The following PPP1R9A variants were observed in gnomAD, a reference collection of about 807,000 sequenced individuals.
PPP1R9A encodes the protein protein phosphatase 1 regulatory subunit 9A.
In PPP1R9A, 59 loss-of-function variants were observed where a neutral mutation model predicts 141.9. That is an observed-to-expected ratio of 0.42 (90% CI 0.34 to 0.52). PPP1R9A has a LOEUF of 0.52. Ranked by LOEUF, PPP1R9A falls within the 20% of genes least tolerant of loss-of-function variation. The pLI is 0.10. For missense variants in PPP1R9A, 1,444 were observed against 1,611.9 expected (o/e 0.90, Z 1.78); for synonymous variants, 500 against 569.7 (o/e 0.88, Z 1.74).
rs186163276 is a variant in PPP1R9A, at chr7:95,128,310, C to G, written c.1649+7478C>G. 2.1e-3 allele frequency among the ~76,000 whole-genome samples: 325 copies of G among 152,218 alleles called. 2 individuals are homozygous for G. Among genetic ancestry groups the G allele is most frequent in the Non-Finnish European group, 2.7e-3 (185 of 68,004 alleles). ...TATGTTTGTTGGCTGCTTGTATGCC[C>G]TCTATTGAGAAGTGCTGTTTATGTC... On this transcript the variant is annotated intron_variant, in intron 4 of 19. Transcript: ENST00000433360.
At chr7:95,033,304 G>A (rs758530844) in intron 2 of PPP1R9A, among the ~76,000 whole-genome samples, 36 of 150,832 alleles carry the variant, frequency 2.4e-4, no homozygotes, top group African/African-American at 6.8e-4. Context: ...ATGAGCCACC[G>A]CTCCTGGCCT....
chr7:95,174,607 G>C (rs1428676839), intron 5 of PPP1R9A, among the ~76,000 whole-genome samples: 1 of 152,134 alleles, frequency 6.6e-6, no homozygotes. Flanking sequence ...TGTTGATAGT[G>C]ATAGTGATGT....
chr7:95,151,096 C>T (rs1306981492), intron 4 of PPP1R9A, among the ~76,000 whole-genome samples: 1 of 152,220 alleles, frequency 6.6e-6, no homozygotes, highest in Non-Finnish European at 1.5e-5. Flanking sequence ...GGGGGACAGA[C>T]TGACAGTTCT....
At chr7:94,994,536 G>A (rs1801918547) in intron 2 of PPP1R9A, among the ~76,000 whole-genome samples, 1 of 152,102 alleles carries the variant, frequency 6.6e-6, no homozygotes, top group Admixed American at 6.6e-5. Flanking sequence ...TAAATAGAGA[G>A]TTTTTATTAG....
chr7:95,249,126 A>G lies in PPP1R9A; in HGVS notation c.2167-900A>G, dbSNP rs114904004. 9.2e-3 allele frequency among the ~76,000 whole-genome samples: 1,399 copies of G among 152,270 alleles called. 20 individuals are homozygous for G. The highest frequency in any genetic ancestry group is 0.032 in the African/African-American group (1,348 of 41,554). On this transcript the variant is annotated intron_variant, in intron 9 of 19. Coordinates refer to ENST00000433360, the MANE Select transcript of PPP1R9A (RefSeq NM_001166160.2). ...AGGGTATTAGACTAGTTTACTATCTATTCCTAAGAGTCCCTAGAAGCAGAA... is the reference window on the plus strand; with the variant it reads ...AGGGTATTAGACTAGTTTACTATCTGTTCCTAAGAGTCCCTAGAAGCAGAA...
intron 8 of PPP1R9A, among the ~76,000 whole-genome samples, chr7:95,246,165 C>T (rs990271463): frequency 6.6e-6 from 1 of 152,104 alleles, no homozygotes; most frequent in Non-Finnish European, 1.5e-5. Flanking sequence ...CTTTATCATC[C>T]TTCCCATGTG....
At chr7:95,081,369 A>G (rs191013892) in intron 2 of PPP1R9A, among the ~76,000 whole-genome samples, 1 of 152,322 alleles carries the variant, frequency 6.6e-6, no homozygotes, top group East Asian at 1.9e-4. Context: ...TAGTTATTTT[A>G]ACTGTGTTCC....
intron 2 of PPP1R9A, among the ~76,000 whole-genome samples, chr7:95,086,675 G>A (rs1455140608): frequency 6.6e-6 from 1 of 151,872 alleles, no homozygotes; most frequent in African/African-American, 2.4e-5. Flanking sequence ...GCACTCTTTT[G>A]TTTACTTTTA....
intron 2 of PPP1R9A, among the ~76,000 whole-genome samples, chr7:95,012,089 A>G (rs1263764222): frequency 2.0e-5 from 3 of 152,190 alleles, no homozygotes; most frequent in Non-Finnish European, 4.4e-5. Context: ...ATAGTTTCCA[A>G]GAGGCCCCTG....
intron 5 of PPP1R9A, among the ~76,000 whole-genome samples, chr7:95,196,127 T>A (rs1230679486): frequency 6.6e-6 from 1 of 151,864 alleles, no homozygotes; most frequent in Non-Finnish European, 1.5e-5. Flanking sequence ...CAATTATAAC[T>A]CAATAATAGA....
intron 12 of PPP1R9A, among the ~76,000 whole-genome samples, chr7:95,253,934 C>T (rs1276236605): frequency 6.6e-6 from 1 of 151,946 alleles, no homozygotes; most frequent in Non-Finnish European, 1.5e-5. Flanking sequence ...CTATTCATTT[C>T]TTTCAGTTTA....
At chr7:94,927,092 T>C (rs1172181082) in intron 2 of PPP1R9A, among the ~76,000 whole-genome samples, 1 of 152,176 alleles carries the variant, frequency 6.6e-6, no homozygotes, top group Non-Finnish European at 1.5e-5. Context: ...AAATAGCTTT[T>C]GATAGCATCC....
intron 8 of PPP1R9A, among the ~76,000 whole-genome samples, chr7:95,226,778 G>A (rs1795200951): frequency 6.6e-6 from 1 of 152,146 alleles, no homozygotes; most frequent in Non-Finnish European, 1.5e-5. Flanking sequence ...CTCAGAGTTT[G>A]AAGAGATCAG....
chr7:95,187,565 CT>C (rs1834831568), intron 5 of PPP1R9A, among the ~76,000 whole-genome samples: 1 of 150,610 alleles, frequency 6.6e-6, no homozygotes, highest in African/African-American at 2.4e-5. Context: ...GGATTTTGTT[CT>C]TTCTCTAGTT....
At chr7:95,079,677 C>G (rs913126888) in intron 2 of PPP1R9A, among the ~76,000 whole-genome samples, 2 of 152,136 alleles carry the variant, frequency 1.3e-5, no homozygotes, top group Admixed American at 6.5e-5. Context: ...GAACATTGAT[C>G]CAAAAATCCT....
intron 2 of PPP1R9A, among the ~76,000 whole-genome samples, chr7:95,010,657 T>C (rs983500689): frequency 6.6e-6 from 1 of 152,136 alleles, no homozygotes; most frequent in Admixed American, 6.6e-5. Flanking sequence ...GTCCCTTATG[T>C]GGTTAGTAGG....
intron 2 of PPP1R9A, among the ~76,000 whole-genome samples, chr7:94,961,864 G>A (rs1797679822): frequency 6.6e-6 from 1 of 151,772 alleles, no homozygotes; most frequent in Admixed American, 6.6e-5. Flanking sequence ...ATATGTCAGA[G>A]GGTGGTCATT....
chr7:94,929,354 CTT>C (rs913406260), intron 2 of PPP1R9A, among the ~76,000 whole-genome samples: 5 of 152,114 alleles, frequency 3.3e-5, no homozygotes, highest in African/African-American at 9.7e-5. Context: ...AGAGGGGACA[CTT>C]GGGTTCTGGA....
In PPP1R9A at chr7:94,962,353, A is replaced by G. The variant is rs139167858; in HGVS notation, c.1395+50845A>G. Among the ~76,000 whole-genome samples the G allele has an allele frequency of 2.6e-4, 39 of 152,052 alleles. 1 individual carries two copies. The East Asian group carries it at 7.6e-3, about 29-fold the overall frequency. ...TTTAAAGAATATCCTGATAAAGCAAAGTTCTCATATATTATTATATTGGAT... is the reference window on the plus strand; with the variant it reads ...TTTAAAGAATATCCTGATAAAGCAAGGTTCTCATATATTATTATATTGGAT... On this transcript the variant is annotated intron_variant, in intron 2 of 19. Coordinates refer to ENST00000433360, the MANE Select transcript of PPP1R9A (RefSeq NM_001166160.2).
Sources: allele counts gnomAD v4.1 joint callset (sites outside exome capture counted in the v4.1 genomes callset), GRCh38; gene constraint gnomAD v4.1.1; transcripts MANE v1.5; gene names NCBI Gene and HGNC (gene_info 2026-07-23, HGNC 2026-07-21).